The following GPRC5A variants were observed in gnomAD, a reference collection of about 807,000 sequenced individuals.
GPRC5A encodes retinoic acid-induced protein 3.
In GPRC5A, 19 loss-of-function variants were observed where a neutral mutation model predicts 22.5. The observed-to-expected ratio is 0.85, with a 90% CI of 0.59 to 1.24. GPRC5A has a LOEUF of 1.24. Among genes scored for constraint, GPRC5A ranks in the 50% most tolerant of loss-of-function variants. The pLI is 0.00. For missense variants in GPRC5A, 471 were observed against 451.1 expected (o/e 1.04, Z -0.40); for synonymous variants, 192 against 184.5 (o/e 1.04, Z -0.33).
Position 12,914,506 on chromosome 12 carries a change from T to G in GPRC5A, c.*1967T>G, listed in dbSNP as rs1455703586. 1 of 151,224 alleles carries G rather than the reference T, an allele frequency of 6.6e-6. No homozygotes were observed. The highest frequency in any genetic ancestry group is 1.5e-5 in the Non-Finnish European group (1 of 67,768). The allele number at this position is 151,224 out of a possible 1,614,324, so 9.4% of individuals were successfully genotyped here. A position where few individuals can be genotyped will look rare whatever the true frequency, so the allele number is the denominator to read the frequency against. Reference sequence around the variant, plus strand: ...GGCTAGGGACTCAAGAAATGCATATTCCCCCCCCACTTTCTTTCTCTCTTT... The same window carrying G: ...GGCTAGGGACTCAAGAAATGCATATGCCCCCCCCACTTTCTTTCTCTCTTT... On this transcript the variant is annotated 3_prime_UTR_variant, in exon 4 of 4. Coordinates refer to ENST00000014914, the MANE Select transcript of GPRC5A (RefSeq NM_003979.4).
At chr12:12,898,468 C>T (rs1863846337) in intron 1 of GPRC5A, among the ~76,000 whole-genome samples, 1 of 151,954 alleles carries the variant, frequency 6.6e-6, no homozygotes, top group Non-Finnish European at 1.5e-5. Context: ...GAAGTCGAAG[C>T]TGCCGTGAGC....
chr12:12,893,032 C>T (rs1863780188), intron 1 of GPRC5A, among the ~76,000 whole-genome samples: 1 of 152,116 alleles, frequency 6.6e-6, no homozygotes, highest in Non-Finnish European at 1.5e-5. Context: ...TCTCCAAGGG[C>T]GTGGAGAGGT....
rs1398666795 is a variant in GPRC5A, at chr12:12,915,089, T to C, written c.*2550T>C. On this transcript the variant is annotated 3_prime_UTR_variant, in exon 4 of 4. Transcript: ENST00000014914. ...AGGCTGGAGTGCAGTGGCACAATCA[T>C]AGCTCACTGCAGCCTCAACTTTCTG... The C allele has an allele frequency of 2.2e-5, 3 of 138,018 alleles. No individual in the cohort carries two copies. In the Admixed American group the frequency reaches 2.5e-4, roughly 11 times the overall value. The allele number at this position is 138,018 out of a possible 1,614,324, so 8.5% of individuals were successfully genotyped here.
At chr12:12,912,288 A>C (rs1344732139) in intron 3 of GPRC5A, 146 bp downstream of exon 3, 1 of 858,242 alleles carries the variant, frequency 1.2e-6, no homozygotes, top group Non-Finnish European at 2.0e-6. Context: ...AAGCGGCCTC[A>C]CGGGGTTAGT....
Position 12,891,664 on chromosome 12 carries a change from GGTAA to G in GPRC5A, c.-8+3_-8+6del, listed in dbSNP as rs1221038639. 4 of 152,372 alleles carry G rather than the reference GGTAA, an allele frequency of 2.6e-5. No individual in the cohort carries two copies. The highest frequency in any genetic ancestry group is 4.8e-5 in the African/African-American group (2 of 41,558). 9.4% of individuals were successfully genotyped at this position (152,372 alleles called of 1,614,324 possible). A position where few individuals can be genotyped will look rare whatever the true frequency, so the allele number is the denominator to read the frequency against. ...TTCACGGCCAACGCCTTGGCACTAG[GGTAA>G]GTGAGGCGCCAGGAGCCCAGAGCGC... On this transcript the variant is annotated splice_donor_variant and splice_donor_region_variant and intron_variant, in intron 1 of 3. Coordinates refer to ENST00000014914, the MANE Select transcript of GPRC5A (RefSeq NM_003979.4). LOFTEE classifies it low-confidence loss of function (5UTR_SPLICE).
chr12:12,894,971 G>C (rs373387101), intron 1 of GPRC5A, among the ~76,000 whole-genome samples: 1 of 151,534 alleles, frequency 6.6e-6, no homozygotes, highest in East Asian at 2.0e-4. Flanking sequence ...GCAGAGACAG[G>C]GTTTCACCGT....
rs753825211 is a variant in GPRC5A at position 12,892,208 on chromosome 12, T to C, written c.-8+544T>C. Among the ~76,000 whole-genome samples, 5 of 152,278 alleles carry C rather than the reference T, an allele frequency of 3.3e-5. No homozygotes were observed. The South Asian group carries it at 6.2e-4, about 19-fold the overall frequency. On this transcript the variant is annotated intron_variant, in intron 1 of 3. Transcript: ENST00000014914. Reference sequence around the variant, plus strand: ...TTGATGTGTGGGCGGTCAGTTCCACTCTGGTGTGCCTTGAGTTGCTCAGAA... The same window carrying C: ...TTGATGTGTGGGCGGTCAGTTCCACCCTGGTGTGCCTTGAGTTGCTCAGAA...
chr12:12,894,190 T>C lies in GPRC5A; in HGVS notation c.-8+2526T>C, dbSNP rs552372374. The stretch of plus-strand genomic sequence containing the variant: ...CTGGCCCTTTATAGAAAATCTATGC[T>C]GATCACTGATATAGAGGATCTGAAT... On this transcript the variant is annotated intron_variant, in intron 1 of 3. Coordinates refer to ENST00000014914, the MANE Select transcript of GPRC5A (RefSeq NM_003979.4). Among the ~76,000 whole-genome samples the C allele has an allele frequency of 7.9e-5, 12 of 152,366 alleles. No individual in the cohort carries two copies. In the South Asian group the frequency reaches 2.5e-3, roughly 32 times the overall value.
chr12:12,902,286 A>G (rs1183746558), intron 1 of GPRC5A, among the ~76,000 whole-genome samples: 1 of 152,150 alleles, frequency 6.6e-6, no homozygotes, highest in Admixed American at 6.6e-5. Context: ...ACAGAGGTGA[A>G]TTAAGAATGA....
At chr12:12,898,298 C>T (rs562423708) in intron 1 of GPRC5A, among the ~76,000 whole-genome samples, 16 of 152,160 alleles carry the variant, frequency 1.1e-4, no homozygotes, top group Non-Finnish European at 1.8e-4. Flanking sequence ...TTTGGGAGGC[C>T]GAGGCGGGCA....
chr12:12,910,868 CTCTCT>C (rs1330914834), intron 2 of GPRC5A, among the ~76,000 whole-genome samples: 2 of 143,782 alleles, frequency 1.4e-5, no homozygotes, highest in African/African-American at 5.1e-5. Context: ...TTCACCATCT[CTCTCT>C]TTTTTTTTTT....
At chr12:12,893,766 G>GT (rs1313711979) in intron 1 of GPRC5A, among the ~76,000 whole-genome samples, 1 of 151,848 alleles carries the variant, frequency 6.6e-6, no homozygotes, top group African/African-American at 2.4e-5. Flanking sequence ...TTTTGTTTTC[G>GT]TTTTTTTGAG....
At chr12:12,906,524 G>T (rs1374526577) in intron 1 of GPRC5A, among the ~76,000 whole-genome samples, 1 of 152,168 alleles carries the variant, frequency 6.6e-6, no homozygotes, top group African/African-American at 2.4e-5. Flanking sequence ...AGTGGGTCGA[G>T]ATCCAGCCTG....
intron 1 of GPRC5A, among the ~76,000 whole-genome samples, chr12:12,903,160 T>C (rs1363858189): frequency 2.0e-5 from 3 of 151,490 alleles, no homozygotes; most frequent in Admixed American, 2.0e-4. Flanking sequence ...GTCTAGGGAG[T>C]GGGGTGGGGA....
At chr12:12,895,821 C>CAAAAAAAACAAA (rs1863816972) in intron 1 of GPRC5A, among the ~76,000 whole-genome samples, 1 of 75,648 alleles carries the variant, frequency 1.3e-5, no homozygotes, top group African/African-American at 6.1e-5. Flanking sequence ...ACTAAAAATA[C>CAAAAAAAACAAA]AAAAAAAAAA....
At chr12:12,897,220 C>T (rs1592347081) in intron 1 of GPRC5A, among the ~76,000 whole-genome samples, 4 of 110,488 alleles carry the variant, frequency 3.6e-5, no homozygotes, top group African/African-American at 1.4e-4. Flanking sequence ...AGAGCAAGAC[C>T]CTGTCTTAAA....
intron 1 of GPRC5A, among the ~76,000 whole-genome samples, chr12:12,905,664 C>G (rs1863934101): frequency 1.3e-5 from 2 of 152,164 alleles, no homozygotes. Flanking sequence ...TGGGGACACT[C>G]CTTTCTCTTT....
In GPRC5A at chr12:12,909,071, C is replaced by T; in HGVS notation, c.822C>T (p.Pro274=). 6.2e-7 allele frequency: 1 copy of T among 1,607,456 alleles called. No individual in the cohort carries two copies. Among genetic ancestry groups the T allele is most frequent in the Non-Finnish European group, 8.5e-7 (1 of 1,179,886 alleles). Residue 274 remains proline (P), a synonymous_variant, in exon 2 of 4, where the codon CCC becomes CCT. Transcript: ENST00000014914. ...EFWLLTKQRN[P]MDYPVEDAFC... ...GGCTGCTCACAAAGCAACGAAACCC[C>T]ATGGATTATCCTGTTGAGGATGCTT...
chr12:12,909,969 A>G (rs1172534354), intron 2 of GPRC5A: 1 of 149,556 alleles, frequency 6.7e-6, no homozygotes, highest in East Asian at 2.0e-4. Context: ...AAAAGAATCA[A>G]GTGATTTTGC....
Sources: gnomAD v4.1 joint callset for allele counts (sites outside exome capture counted in the v4.1 genomes callset) on GRCh38, gnomAD v4.1.1 for gene constraint, MANE v1.5 for transcripts, NCBI Gene and HGNC (gene_info 2026-07-23, HGNC 2026-07-21) for gene names.